The following ABCA5 variants were observed in gnomAD, a reference collection of about 807,000 sequenced individuals.
The protein encoded by ABCA5 is cholesterol transporter ABCA5.
Under a neutral mutation model 206.0 loss-of-function variants are expected in ABCA5, and 163 were observed. That is an observed-to-expected ratio of 0.79 (90% CI 0.70 to 0.90). ABCA5 has a LOEUF of 0.90. ABCA5 is among the 40% of genes least tolerant of loss of function. ABCA5 has a pLI of 0.00. For missense variants in ABCA5, 1,859 were observed against 1,912.9 expected (o/e 0.97, Z 0.53); for synonymous variants, 609 against 613.8 (o/e 0.99, Z 0.11).
chr17:69,318,383 C>T (rs1254741972), intron 1 of ABCA5, among the ~76,000 whole-genome samples: 1 of 152,142 alleles, frequency 6.6e-6, no homozygotes, highest in Non-Finnish European at 1.5e-5. Context: ...GAGTGAGCCA[C>T]CGTGCCTGGT....
intron 1 of ABCA5, among the ~76,000 whole-genome samples, chr17:69,322,527 T>C (rs1430015122): frequency 6.6e-6 from 1 of 152,142 alleles, no homozygotes; most frequent in Non-Finnish European, 1.5e-5. Context: ...AATAAGAAAT[T>C]TGAAAGCTAT....
rs58369537 is a variant in ABCA5, at chr17:69,263,697, C to CTTTTTTTTTTTTTTTTTTTTT, written c.3315+1037_3315+1038insAAAAAAAAAAAAAAAAAAAAA. 2.1e-3 allele frequency among the ~76,000 whole-genome samples: 218 copies of CTTTTTTTTTTTTTTTTTTTTT among 103,648 alleles called. 11 individuals are homozygous for CTTTTTTTTTTTTTTTTTTTTT. The highest frequency in any genetic ancestry group is 2.7e-3 in the Non-Finnish European group (155 of 56,478). The allele number at this position is 103,648 out of a possible 152,430, so 68.0% of individuals were successfully genotyped here. ...GGCTTTGTTCTTTTTACATGGATTC[C>CTTTTTTTTTTTTTTTTTTTTT]TTTTTTTTTTTTTTTTTGATAAAAA... On this transcript the variant is annotated intron_variant, in intron 24 of 38. Coordinates refer to ENST00000392676, the MANE Select transcript of ABCA5 (RefSeq NM_172232.4).
At position 69,314,426 on chromosome 17, in the gene ABCA5, TA is replaced by T; in HGVS notation, c.-12del. On this transcript the variant is annotated 5_prime_UTR_variant, in exon 2 of 39. Coordinates refer to ENST00000392676, the MANE Select transcript of ABCA5 (RefSeq NM_172232.4). ...AATTGCAGTGGACATGTTTTCTGAA[TA>T]AACCTATTAAAGAGGAAAAACAAAC... is the stretch of plus-strand genomic sequence containing the variant. The T allele has an allele frequency of 6.3e-7, 1 of 1,578,664 alleles. No homozygotes were observed. The highest frequency in any genetic ancestry group is 8.7e-7 in the Non-Finnish European group (1 of 1,150,932).
intron 28 of ABCA5, among the ~76,000 whole-genome samples, chr17:69,258,935 G>GA (rs1249483311): frequency 9.2e-5 from 14 of 152,162 alleles, no homozygotes; most frequent in African/African-American, 2.9e-4. Flanking sequence ...GGAAGAATAT[G>GA]TAAAAAAGAC....
chr17:69,268,071 C>G lies in ABCA5; in HGVS notation c.3031-15G>C. On this transcript the variant is annotated splice_polypyrimidine_tract_variant and intron_variant, in intron 22 of 38. Transcript: ENST00000392676. The stretch of plus-strand genomic sequence containing the variant: ...TCAGTAATTTCCTGAAAGACAACCA[C>G]AGAGTAACAAATGGAACTGAGAATC... The G allele has an allele frequency of 8.2e-7, 1 of 1,213,410 alleles. No individual in the cohort carries two copies. The highest frequency in any genetic ancestry group is 1.2e-6 in the Non-Finnish European group (1 of 818,694). 75.2% of individuals were successfully genotyped at this position (1,213,410 alleles called of 1,614,324 possible). A position where few individuals can be genotyped will look rare whatever the true frequency, so the allele number is the denominator to read the frequency against.
chr17:69,317,500 G>A (rs1001048103), intron 1 of ABCA5, among the ~76,000 whole-genome samples: 1 of 150,314 alleles, frequency 6.7e-6, no homozygotes, highest in Non-Finnish European at 1.5e-5. Context: ...GACTAAAAAT[G>A]TCAAATGTTA....
At position 69,282,689 on chromosome 17, in the gene ABCA5, T is replaced by C. The variant is rs530820062; in HGVS notation, c.2392+1264A>G. ...GAGGCTGAGGCAGCAGGAGAATCAC[T>C]TGGACTTGGGAGGCGGAGGTTGCAG... On this transcript the variant is annotated intron_variant, in intron 18 of 38. Transcript: ENST00000392676. 9.3e-4 allele frequency among the ~76,000 whole-genome samples: 140 copies of C among 150,710 alleles called. 1 individual carries two copies. The South Asian group carries it at 0.027, about 29-fold the overall frequency.
At position 69,304,780 on chromosome 17, in the gene ABCA5, T is replaced by C; in HGVS notation, c.819A>G (p.Leu273=). Reference sequence around the variant, plus strand: ...CCATAAGAAGGGACATAAGAAAAATTAAACTTGTATATAGAAGAACCCAGG... The same window carrying C: ...CCATAAGAAGGGACATAAGAAAAATCAAACTTGTATATAGAAGAACCCAGG... ...WLSWVLLYTS[L]IFLMSLLMAV... Residue 273 remains leucine (L), a synonymous_variant, in exon 7 of 39, where the codon TTA becomes TTG. Coordinates refer to ENST00000392676, the MANE Select transcript of ABCA5 (RefSeq NM_172232.4). 6.2e-7 allele frequency: 1 copy of C among 1,605,906 alleles called. No individual in the cohort carries two copies. Among genetic ancestry groups the C allele is most frequent in the Non-Finnish European group, 8.5e-7 (1 of 1,176,174 alleles).
chr17:69,270,552 T>G (rs1445558019), intron 22 of ABCA5, 61 bp downstream of exon 22: 1 of 1,427,312 alleles, frequency 7.0e-7, no homozygotes, highest in Admixed American at 2.7e-5. Flanking sequence ...TGCTTAGTTT[T>G]TAATGGTTAT....
At chr17:69,248,969 C>A (rs567061162) in intron 37 of ABCA5, 3 of 152,388 alleles carry the variant, frequency 2.0e-5, no homozygotes, top group African/African-American at 7.2e-5. Context: ...TTAAGGGATC[C>A]TCCCGCCTCA....
intron 37 of ABCA5, chr17:69,249,399 C>T (rs533027553): frequency 1.3e-5 from 2 of 152,958 alleles, no homozygotes; most frequent in East Asian, 3.8e-4. Context: ...CTATAAGCTT[C>T]CTTAAAATTT....
chr17:69,253,656 A>G lies in ABCA5; in HGVS notation c.4332T>C (p.Ala1444=), dbSNP rs144095768. The change falls in exon 34 of 39, where the codon GCT becomes GCC. Residue 1444 remains alanine (A), a synonymous_variant. Transcript: ENST00000392676. ...PAGIKRKLCF[A]LSMLGNPQIT... ...TCTGAGGATTCCCTAGCATACTTAG[A>G]GCAAAACACAACTACATGGAAAGAA... 1.2e-6 allele frequency: 2 copies of G among 1,613,570 alleles called. No individual in the cohort carries two copies. The highest frequency in any genetic ancestry group is 2.2e-5 in the East Asian group (1 of 44,778).
In ABCA5 at chr17:69,287,740, T is replaced by C; in HGVS notation, c.1914A>G (p.Leu638=). The C allele has an allele frequency of 6.2e-7, 1 of 1,613,034 alleles. No homozygotes were observed. The change falls in exon 15 of 39, where the codon CTA becomes CTG. Residue 638 remains leucine (L), a synonymous_variant. Coordinates refer to ENST00000392676, the MANE Select transcript of ABCA5 (RefSeq NM_172232.4). The part of the protein sequence containing the change: ...AVLGNPKILL[L]DEPTAGMDPC... ...GGTCCATTCCAGCTGTTGGTTCATC[T>C]AGCAGCAGTATCTGTGTGAAAAGAG... is the stretch of plus-strand genomic sequence containing the variant.
At chr17:69,297,896 A>T (rs2075600337) in intron 9 of ABCA5, among the ~76,000 whole-genome samples, 1 of 152,172 alleles carries the variant, frequency 6.6e-6, no homozygotes. Flanking sequence ...GAAATGGTAT[A>T]CAATGAGGCC....
Position 69,255,595 on chromosome 17 carries a change from T to C in ABCA5, c.4016A>G (p.Lys1339Arg). 1.9e-6 allele frequency: 3 copies of C among 1,581,948 alleles called. No individual in the cohort carries two copies. The highest frequency in any genetic ancestry group is 1.7e-6 in the Non-Finnish European group (2 of 1,170,902). Residue 1339 changes from lysine to arginine, a missense_variant, in exon 31 of 39, where the codon AAA (lysine) becomes AGA (arginine). Physicochemically the swap from Lys to Arg is conservative, Grantham distance 26 (BLOSUM62 2). Coordinates refer to ENST00000392676, the MANE Select transcript of ABCA5 (RefSeq NM_172232.4). ...AACCAGAATATTAATAATTGTGCTT[T>C]TGCCAGCACCATTTGGACCCAATAG... Reference protein sequence around the residue: ...LGLLGPNGAGKSTIINILVGD... With the variant: ...LGLLGPNGAGRSTIINILVGD...
chr17:69,297,507 A>G, intron 9 of ABCA5, 148 bp from the exon 10 acceptor site: 1 of 620,436 alleles, frequency 1.6e-6, no homozygotes, highest in Non-Finnish European at 2.6e-6. Flanking sequence ...TGTACACAAT[A>G]AATATATACA....
At chr17:69,300,175 T>C (rs2075637441) in intron 9 of ABCA5, among the ~76,000 whole-genome samples, 1 of 152,178 alleles carries the variant, frequency 6.6e-6, no homozygotes, top group African/African-American at 2.4e-5. Context: ...CTGGGGGTGA[T>C]GGGAGACAGT....
rs1280591170 is a variant in ABCA5 at position 69,279,163 on chromosome 17, C to A, written c.2393-1321G>T. Among the ~76,000 whole-genome samples the A allele has an allele frequency of 1.9e-4, 29 of 152,258 alleles. 1 individual carries two copies. Among genetic ancestry groups the A allele is most frequent in the East Asian group, 9.6e-4 (5 of 5,182 alleles). On this transcript the variant is annotated intron_variant, in intron 18 of 38. Transcript: ENST00000392676. Reference sequence around the variant, plus strand: ...CATCGTCTCAGCCCAAAATCTCCTTCAGCTGATAGGCAACTTCAGCAAAGT... The same window carrying A: ...CATCGTCTCAGCCCAAAATCTCCTTAAGCTGATAGGCAACTTCAGCAAAGT...
chr17:69,260,339 G>C lies in ABCA5; in HGVS notation c.3638C>G (p.Ser1213Trp). 6.3e-7 allele frequency: 1 copy of C among 1,598,778 alleles called. No homozygotes were observed. The highest frequency in any genetic ancestry group is 1.3e-5 in the African/African-American group (1 of 74,324). The change falls in exon 27 of 39, where the codon TCG becomes TGG. Residue 1213 changes from serine to tryptophan, a missense_variant and splice_region_variant. By Grantham distance (177) the Ser-to-Trp change is radical. Coordinates refer to ENST00000392676, the MANE Select transcript of ABCA5 (RefSeq NM_172232.4). ...TCACAAAAACACTTTATTTCTTACC[G>C]ATATAACAGCTACTGAAAGCCTATC... ...PWDRLSVAVI[S>W]PYLQCVLWIF...
Sources: allele counts gnomAD v4.1 joint callset (sites outside exome capture counted in the v4.1 genomes callset), GRCh38; gene constraint gnomAD v4.1.1; transcripts MANE v1.5; gene names NCBI Gene and HGNC (gene_info 2026-07-23, HGNC 2026-07-21).